SLC9A4: variants seen among roughly 807,000 people sequenced by gnomAD.
SLC9A4 encodes the protein sodium/hydrogen exchanger 4.
SLC9A4 carries 63 observed loss-of-function variants against 67.4 expected under a neutral mutation model. The observed-to-expected ratio is 0.93, with a 90% confidence interval of 0.76 to 1.15. SLC9A4 has a LOEUF of 1.15. Ranked by LOEUF, SLC9A4 falls within the 50% of genes most tolerant of loss-of-function variation. The probability of loss-of-function intolerance (pLI) is 0.00; values close to 1 mark genes in which losing one functional copy is unlikely to be tolerated. For missense variants in SLC9A4, 1,089 were observed against 987.7 expected, an observed-to-expected ratio of 1.10 and a Z score of -1.38; for synonymous variants, 393 against 367.2, an observed-to-expected ratio of 1.07 and a Z score of -0.80.
chr2:102,476,813 G>A (rs1399212238), intron 1 of SLC9A4, among the ~76,000 whole-genome samples: 1 of 151,686 alleles, frequency 6.6e-6, no homozygotes, highest in African/African-American at 2.4e-5. Flanking sequence ...AGAAGGAGGA[G>A]GAGAAATAGG....
intron 11 of SLC9A4, among the ~76,000 whole-genome samples, chr2:102,528,542 G>A (rs6712696): frequency 0.64 from 97,493 of 151,856 alleles, 31,444 homozygotes; most frequent in Middle Eastern, 0.72. Context: ...TAGGATTATA[G>A]GTGTGAGCCA....
chr2:102,480,421 T>C (rs564909551), intron 2 of SLC9A4, among the ~76,000 whole-genome samples: 3 of 152,070 alleles, frequency 2.0e-5, no homozygotes, highest in African/African-American at 7.2e-5. Context: ...TGGAGTGCAA[T>C]GATGCAGCCT....
intron 11 of SLC9A4, among the ~76,000 whole-genome samples, chr2:102,528,472 C>A (rs1674711022): frequency 6.6e-6 from 1 of 151,684 alleles, no homozygotes; most frequent in Non-Finnish European, 1.5e-5. Context: ...CCCTATGTTG[C>A]CCAGGCTGAT....
At chr2:102,478,676 T>G (rs1183587343) in intron 1 of SLC9A4, among the ~76,000 whole-genome samples, 163 bp from the exon 2 acceptor site, 1 of 152,204 alleles carries the variant, frequency 6.6e-6, no homozygotes, top group African/African-American at 2.4e-5. Context: ...ACTGATCTTA[T>G]TGGCGACCCT....
chr2:102,499,250 GAGAT>G (rs760102032), intron 2 of SLC9A4, among the ~76,000 whole-genome samples: 32 of 151,998 alleles, frequency 2.1e-4, no homozygotes, highest in Non-Finnish European at 4.3e-4. Flanking sequence ...CCCAGATAGA[GAGAT>G]GGATGATAGA....
intron 6 of SLC9A4, among the ~76,000 whole-genome samples, chr2:102,510,387 C>A (rs1380075553): frequency 1.3e-5 from 2 of 152,112 alleles, no homozygotes; most frequent in African/African-American, 4.8e-5. Context: ...AGGGGACAGG[C>A]CATCCAGAAG....
intron 1 of SLC9A4, among the ~76,000 whole-genome samples, chr2:102,475,853 G>T (rs957168060): frequency 6.6e-6 from 1 of 152,130 alleles, no homozygotes; most frequent in African/African-American, 2.4e-5. Context: ...TAATAATGAT[G>T]ATGATGATTT....
rs11692304 is a variant in SLC9A4 at position 102,478,945 on chromosome 2, G to A, written c.363G>A (p.Ser121=). 0.45 allele frequency: 726,174 copies of A among 1,613,808 alleles called. 168,329 individuals carry two copies. The highest frequency in any genetic ancestry group is 0.48 in the Non-Finnish European group (560,859 of 1,179,968). ...TCATCTTCGGCACCGACCACAAATCGCCTCCGGTCATGGACTCCAGCATCT... is the reference window on the plus strand; with the variant it reads ...TCATCTTCGGCACCGACCACAAATCACCTCCGGTCATGGACTCCAGCATCT... ...GGIIFGTDHK[S]PPVMDSSIYF... The change falls in exon 2 of 12, where the codon TCG becomes TCA. Residue 121 remains serine, a synonymous_variant. Transcript: ENST00000295269.
At chr2:102,527,286 C>A (rs537177848) in intron 11 of SLC9A4, among the ~76,000 whole-genome samples, 1 of 152,032 alleles carries the variant, frequency 6.6e-6, no homozygotes, top group African/African-American at 2.4e-5. Context: ...ATCACAAAAA[C>A]ATTGCATCAT....
At chr2:102,492,505 A>G (rs565249945) in intron 2 of SLC9A4, among the ~76,000 whole-genome samples, 3 of 152,366 alleles carry the variant, frequency 2.0e-5, no homozygotes, top group African/African-American at 4.8e-5. Context: ...CCTCTGAAGC[A>G]ATGACCTGAG....
intron 2 of SLC9A4, among the ~76,000 whole-genome samples, chr2:102,493,585 T>C (rs1022938401): frequency 6.6e-6 from 1 of 151,818 alleles, no homozygotes; most frequent in Admixed American, 6.6e-5. Flanking sequence ...CCTCCCACCA[T>C]GTCACTCCCC....
intron 2 of SLC9A4, among the ~76,000 whole-genome samples, chr2:102,499,097 A>C (rs1684868918): frequency 6.6e-6 from 1 of 152,156 alleles, no homozygotes; most frequent in Non-Finnish European, 1.5e-5. Flanking sequence ...GCTCATCAGG[A>C]ACCCACAGGC....
At chr2:102,502,170 A>G (rs1370822378) in intron 2 of SLC9A4, among the ~76,000 whole-genome samples, 1 of 152,060 alleles carries the variant, frequency 6.6e-6, no homozygotes, top group Non-Finnish European at 1.5e-5. Flanking sequence ...TTCTGCAGAG[A>G]TCTTCGTTCA....
chr2:102,478,714 TG>T, intron 1 of SLC9A4, 124 bp from the exon 2 acceptor site: 1 of 883,874 alleles, frequency 1.1e-6, no homozygotes, highest in Non-Finnish European at 1.7e-6. Context: ...CTGCTACAGA[TG>T]GGACGCTGAG....
intron 2 of SLC9A4, among the ~76,000 whole-genome samples, chr2:102,484,542 T>C (rs553836553): frequency 1.4e-4 from 21 of 152,328 alleles, no homozygotes; most frequent in South Asian, 2.1e-4. Context: ...ACTCAATGAA[T>C]GCTGGCCATG....
intron 11 of SLC9A4, among the ~76,000 whole-genome samples, chr2:102,530,802 G>T (rs1343029283): frequency 2.6e-5 from 4 of 152,174 alleles, no homozygotes; most frequent in Non-Finnish European, 5.9e-5. Flanking sequence ...ATTAATTAAT[G>T]TTTTCTTTAT....
chr2:102,492,799 G>GT (rs57849626), intron 2 of SLC9A4, among the ~76,000 whole-genome samples: 3 of 152,138 alleles, frequency 2.0e-5, no homozygotes, highest in South Asian at 2.1e-4. Context: ...CCCAGAAAAT[G>GT]TTTTTTTTCT....
At chr2:102,531,398 G>A (rs1442754767) in intron 11 of SLC9A4, among the ~76,000 whole-genome samples, 1 of 152,142 alleles carries the variant, frequency 6.6e-6, no homozygotes, top group Non-Finnish European at 1.5e-5. Flanking sequence ...CATCGGTTAG[G>A]GGTCTGGAAG....
chr2:102,482,012 G>A (rs945379000), intron 2 of SLC9A4, among the ~76,000 whole-genome samples: 6 of 152,122 alleles, frequency 3.9e-5, no homozygotes, highest in Non-Finnish European at 5.9e-5. Flanking sequence ...ACATGAAGCC[G>A]GACGTCAAAT....
Sources: allele counts gnomAD v4.1 joint callset (sites outside exome capture counted in the v4.1 genomes callset), GRCh38; gene constraint gnomAD v4.1.1; transcripts MANE v1.5; gene names NCBI Gene and HGNC (gene_info 2026-07-23, HGNC 2026-07-21).